ARHGAP24: variants seen among roughly 807,000 people sequenced by gnomAD.
ARHGAP24 encodes Rho GTPase activating protein 24, also known as rho GTPase-activating protein 24.
Under a neutral mutation model 76.4 loss-of-function variants are expected in ARHGAP24, and 50 were observed. The observed-to-expected ratio is 0.65, with a 90% CI of 0.52 to 0.83. ARHGAP24 has a LOEUF of 0.83. ARHGAP24 is among the 40% of genes least tolerant of loss of function. The probability of loss-of-function intolerance (pLI) is 0.00; values close to 1 mark genes in which losing one functional copy is unlikely to be tolerated. For synonymous variants in ARHGAP24, 345 were observed against 323.3 expected (o/e 1.07, Z -0.72); for missense variants, 930 against 914.2 (o/e 1.02, Z -0.22).
intron 5 of ARHGAP24, among the ~76,000 whole-genome samples, chr4:85,960,213 A>C (rs1168002676): frequency 6.6e-6 from 1 of 152,224 alleles, no homozygotes; most frequent in Non-Finnish European, 1.5e-5. Flanking sequence ...TGAGGGGAAC[A>C]GATAAAAAGT....
intron 9 of ARHGAP24, among the ~76,000 whole-genome samples, chr4:85,996,380 A>G (rs545132438): frequency 7.2e-5 from 11 of 152,250 alleles, no homozygotes; most frequent in Non-Finnish European, 1.3e-4. Context: ...ACCTAATTAT[A>G]TCAATGTGCA....
chr4:85,514,678 A>G (rs1724415943), intron 1 of ARHGAP24, among the ~76,000 whole-genome samples: 1 of 151,886 alleles, frequency 6.6e-6, no homozygotes, highest in African/African-American at 2.4e-5. Context: ...CTTTGTTCTG[A>G]CTTTCCAAGA....
intron 3 of ARHGAP24, among the ~76,000 whole-genome samples, chr4:85,852,273 C>T (rs973587267): frequency 3.9e-5 from 6 of 152,192 alleles, no homozygotes; most frequent in African/African-American, 1.4e-4. Flanking sequence ...TCACGTAGTT[C>T]TCGTGTCATG....
intron 2 of ARHGAP24, among the ~76,000 whole-genome samples, chr4:85,606,462 G>T (rs566495797): frequency 1.3e-5 from 2 of 151,486 alleles, no homozygotes; most frequent in Non-Finnish European, 2.9e-5. Flanking sequence ...GTAGTGAGCC[G>T]AGATCGGGCC....
chr4:85,827,461 CGTGTGTGTGTGTGTGTGTGTGTGTGTGT>C (rs56379272), intron 3 of ARHGAP24, among the ~76,000 whole-genome samples: 6 of 108,640 alleles, frequency 5.5e-5, no homozygotes, highest in African/African-American at 1.7e-4. Context: ...GAAGTCTGCC[CGTGTGTGTGTGTGTGTGTGTGTGTGTGT>C]GTGTGTGTGT....
rs574819628 is a variant in ARHGAP24, at chr4:85,665,492, T to C, written c.181-56393T>C. ...CAATTTGCCAGTCTGTGTCTTTTAA[T>C]TGGAGCATTTAGTCCATTTACATTT... On this transcript the variant is annotated intron_variant, in intron 2 of 9. Coordinates refer to ENST00000395184, the MANE Select transcript of ARHGAP24 (RefSeq NM_001025616.3). 6.2e-4 allele frequency among the ~76,000 whole-genome samples: 94 copies of C among 152,354 alleles called. 1 individual carries two copies. Among genetic ancestry groups the C allele is most frequent in the African/African-American group, 2.1e-3 (89 of 41,584 alleles).
chr4:85,618,586 C>T (rs1392967072), intron 2 of ARHGAP24, among the ~76,000 whole-genome samples: 1 of 152,028 alleles, frequency 6.6e-6, no homozygotes, highest in Non-Finnish European at 1.5e-5. Flanking sequence ...CTGTAATTTA[C>T]ATTTTCACCA....
chr4:85,995,659 T>C lies in ARHGAP24; in HGVS notation c.2003+2T>C, dbSNP rs1048312009. 3 of 1,613,134 alleles carry C rather than the reference T, an allele frequency of 1.9e-6. No homozygotes were observed. Among genetic ancestry groups the C allele is most frequent in the Non-Finnish European group, 2.5e-6 (3 of 1,179,732 alleles). ...AGAGTATGAGTCCAGGATAAAGAGG[T>C]AAGGAAAATCTGGAGGTCGTAACTA... On this transcript the variant is annotated splice_donor_variant, in intron 9 of 9. Transcript: ENST00000395184. LOFTEE classifies it high-confidence loss of function.
chr4:85,494,378 G>A (rs188081624), intron 1 of ARHGAP24, among the ~76,000 whole-genome samples: 1 of 151,544 alleles, frequency 6.6e-6, no homozygotes, highest in African/African-American at 2.4e-5. Flanking sequence ...ACAGTGTTTG[G>A]TTTTCTGTTC....
intron 3 of ARHGAP24, among the ~76,000 whole-genome samples, chr4:85,845,418 T>C (rs989719913): frequency 6.6e-6 from 1 of 152,314 alleles, no homozygotes; most frequent in African/African-American, 2.4e-5. Context: ...GTTACATAGC[T>C]AGTAAGTAGC....
intron 1 of ARHGAP24, among the ~76,000 whole-genome samples, chr4:85,549,595 A>C (rs941698440): frequency 6.6e-6 from 1 of 151,972 alleles, no homozygotes; most frequent in Non-Finnish European, 1.5e-5. Flanking sequence ...GCTTGCCTAT[A>C]CACTGTTTTT....
At chr4:85,545,389 C>G (rs951739632) in intron 1 of ARHGAP24, among the ~76,000 whole-genome samples, 1 of 152,164 alleles carries the variant, frequency 6.6e-6, no homozygotes, top group East Asian at 1.9e-4. Flanking sequence ...CGTGAGCCAC[C>G]ACACCTGGCC....
chr4:85,991,796 G>A (rs1578476444), intron 8 of ARHGAP24: 1 of 196,064 alleles, frequency 5.1e-6, no homozygotes, highest in East Asian at 1.1e-4. Context: ...AAATCATCAG[G>A]TGTCTTACAG....
intron 3 of ARHGAP24, chr4:85,722,241 C>T: frequency 2.4e-6 from 1 of 411,938 alleles, no homozygotes; most frequent in Non-Finnish European, 4.5e-6. Flanking sequence ...AGTATTTGTT[C>T]AGGACTATTG....
intron 3 of ARHGAP24, among the ~76,000 whole-genome samples, chr4:85,889,858 A>G (rs894074379): frequency 6.6e-6 from 1 of 152,150 alleles, no homozygotes; most frequent in African/African-American, 2.4e-5. Context: ...CCTTATCTAT[A>G]CATAAATCCT....
intron 3 of ARHGAP24, among the ~76,000 whole-genome samples, chr4:85,879,681 A>G (rs973316071): frequency 3.9e-5 from 6 of 151,952 alleles, no homozygotes; most frequent in Admixed American, 2.0e-4. Context: ...CATTTAATAC[A>G]TATTAAATGT....
At position 86,001,767 on chromosome 4, in the gene ARHGAP24, T is replaced by TTCTC. The variant is rs778715924; in HGVS notation, c.*1046_*1049dup. 7.8e-5 allele frequency: 17 copies of TTCTC among 218,876 alleles called. No individual in the cohort carries two copies. In the South Asian group the frequency reaches 1.1e-3, roughly 14 times the overall value. The allele number at this position is 218,876 out of a possible 1,614,324, so 13.6% of individuals were successfully genotyped here. On this transcript the variant is annotated 3_prime_UTR_variant, in exon 10 of 10. Transcript: ENST00000395184. ...GTATATGTCACGTAGTGACATTTTT[T>TTCTC]TCTCACTCAGGCTATTGCCATCTGG...
At chr4:85,760,363 G>A (rs532033867) in intron 3 of ARHGAP24, among the ~76,000 whole-genome samples, 2 of 152,204 alleles carry the variant, frequency 1.3e-5, no homozygotes, top group Middle Eastern at 3.4e-3. Flanking sequence ...GACTGACCGA[G>A]TCATGAGTTT....
intron 4 of ARHGAP24, among the ~76,000 whole-genome samples, chr4:85,937,432 C>T (rs1736707589): frequency 6.6e-6 from 1 of 152,102 alleles, no homozygotes; most frequent in Non-Finnish European, 1.5e-5. Context: ...CTACTGGGCA[C>T]CTAGAAATCC....
Sources: gnomAD v4.1 joint callset for allele counts (sites outside exome capture counted in the v4.1 genomes callset) on GRCh38, gnomAD v4.1.1 for gene constraint, MANE v1.5 for transcripts, NCBI Gene and HGNC (gene_info 2026-07-23, HGNC 2026-07-21) for gene names.